THSD7A: variants seen among roughly 807,000 people sequenced by gnomAD.
The protein encoded by THSD7A is thrombospondin type 1 domain containing 7A, also known as thrombospondin type-1 domain-containing protein 7A.
THSD7A carries 96 observed loss-of-function variants against 231.3 expected under a neutral mutation model. That is an observed-to-expected ratio of 0.41 (90% CI 0.35 to 0.49). The LOEUF is 0.49. Ranked by LOEUF, THSD7A falls within the 20% of genes least tolerant of loss-of-function variation. THSD7A has a pLI of 0.05. For synonymous variants in THSD7A, 940 were observed against 743.3 expected (o/e 1.26, Z -4.30); for missense variants, 2,290 against 2,070.2 (o/e 1.11, Z -2.06).
rs565503683 is a variant in THSD7A, at chr7:11,714,416, A to T, written c.191-77455T>A. ...TATTTTGTCAATTAATCTTTACCTT[A>T]ACCCTATGACACACGTATTTTTACT... On this transcript the variant is annotated intron_variant, in intron 1 of 27. Coordinates refer to ENST00000423059, the MANE Select transcript of THSD7A (RefSeq NM_015204.3). Among the ~76,000 whole-genome samples, 100 of 151,338 alleles carry T rather than the reference A, an allele frequency of 6.6e-4. 2 individuals are homozygous for T. The highest frequency in any genetic ancestry group is 2.2e-3 in the African/African-American group (90 of 41,434).
intron 1 of THSD7A, among the ~76,000 whole-genome samples, chr7:11,699,262 G>A (rs1780500360): frequency 6.6e-6 from 1 of 151,120 alleles, no homozygotes; most frequent in Admixed American, 6.6e-5. Context: ...ACAAAGAAGA[G>A]AAAATGAAGT....
At chr7:11,488,356 A>G (rs893935608) in intron 6 of THSD7A, among the ~76,000 whole-genome samples, 3 of 152,104 alleles carry the variant, frequency 2.0e-5, no homozygotes, top group Non-Finnish European at 2.9e-5. Flanking sequence ...ATTTGCATGG[A>G]CCTTTCTAGA....
At chr7:11,461,931 C>G in intron 10 of THSD7A, 80 bp downstream of exon 10, 1 of 1,536,980 alleles carries the variant, frequency 6.5e-7, no homozygotes, top group East Asian at 2.3e-5. Context: ...GTGTTGACTT[C>G]CTTTCCTTAT....
intron 1 of THSD7A, among the ~76,000 whole-genome samples, chr7:11,698,012 G>C (rs1461873145): frequency 6.6e-6 from 1 of 151,400 alleles, no homozygotes; most frequent in Non-Finnish European, 1.5e-5. Context: ...GCTGTTGACT[G>C]TTTTTACTGT....
At chr7:11,567,972 T>G (rs111275034) in intron 4 of THSD7A, among the ~76,000 whole-genome samples, 2,112 of 152,300 alleles carry the variant, frequency 0.014, 51 homozygotes, top group African/African-American at 0.048. Flanking sequence ...TTATCTCACC[T>G]ATTTGAACTC....
chr7:11,671,351 G>C (rs755312361), intron 1 of THSD7A, among the ~76,000 whole-genome samples: 11 of 152,058 alleles, frequency 7.2e-5, no homozygotes, highest in Non-Finnish European at 1.2e-4. Flanking sequence ...GCACAATTCA[G>C]AACTATAAAC....
intron 1 of THSD7A, among the ~76,000 whole-genome samples, chr7:11,762,510 G>C (rs1293972190): frequency 6.6e-6 from 1 of 152,044 alleles, no homozygotes; most frequent in Non-Finnish European, 1.5e-5. Flanking sequence ...TTATATGTTT[G>C]CTGGCCGCTC....
chr7:11,626,126 T>C (rs975090975), intron 2 of THSD7A, among the ~76,000 whole-genome samples: 1 of 152,068 alleles, frequency 6.6e-6, no homozygotes, highest in African/African-American at 2.4e-5. Context: ...CCCAAATCCA[T>C]CAAAGGTTTA....
chr7:11,687,866 C>G (rs1306559114), intron 1 of THSD7A, among the ~76,000 whole-genome samples: 4 of 147,062 alleles, frequency 2.7e-5, no homozygotes, highest in African/African-American at 1.0e-4. Context: ...TGGGGTGTTT[C>G]TTTTTTTTTT....
In THSD7A at chr7:11,469,878, CCTT is replaced by C; in HGVS notation, c.2366_2368del (p.Glu789del). The C allele has an allele frequency of 6.3e-7, 1 of 1,580,352 alleles. No individual in the cohort carries two copies. Among genetic ancestry groups the C allele is most frequent in the Non-Finnish European group, 8.6e-7 (1 of 1,158,226 alleles). ...AGCCTTCCTAACTCTGCAGACCATACCTTCTTTACACGAAGAGGGGCATGATGT... is the reference window on the plus strand; with the variant it reads ...AGCCTTCCTAACTCTGCAGACCATACCTTTACACGAAGAGGGGCATGATGT... On this transcript the variant is annotated inframe_deletion and splice_region_variant, in exon 9 of 28. Coordinates refer to ENST00000423059, the MANE Select transcript of THSD7A (RefSeq NM_015204.3).
intron 1 of THSD7A, among the ~76,000 whole-genome samples, chr7:11,663,620 T>A (rs191083202): frequency 2.1e-4 from 32 of 151,446 alleles, no homozygotes; most frequent in African/African-American, 7.7e-4. Flanking sequence ...CCAGTCTCTC[T>A]GACAAACATG....
chr7:11,619,603 T>C (rs574347359), intron 2 of THSD7A, among the ~76,000 whole-genome samples: 1 of 151,986 alleles, frequency 6.6e-6, no homozygotes, highest in South Asian at 2.1e-4. Flanking sequence ...TTATTTTCTG[T>C]AGAGATAGAG....
intron 13 of THSD7A, among the ~76,000 whole-genome samples, chr7:11,437,410 C>CTCTT (rs1427094895): frequency 6.6e-6 from 1 of 152,066 alleles, no homozygotes; most frequent in East Asian, 1.9e-4. Context: ...TCCTTAGATG[C>CTCTT]TCTTTCCTTC....
At chr7:11,384,701 A>T (rs1782662109) in intron 23 of THSD7A, 2 of 151,958 alleles carry the variant, frequency 1.3e-5, no homozygotes, top group South Asian at 4.1e-4. Context: ...TAATGGCTTA[A>T]TTGTTGATCA....
chr7:11,771,063 CAT>C (rs1406470762), intron 1 of THSD7A, among the ~76,000 whole-genome samples: 2 of 150,764 alleles, frequency 1.3e-5, no homozygotes, highest in Non-Finnish European at 3.0e-5. Flanking sequence ...ATTTTTTTCT[CAT>C]AGATCAATTT....
At chr7:11,486,295 T>C (rs551041497) in intron 6 of THSD7A, among the ~76,000 whole-genome samples, 146 of 152,352 alleles carry the variant, frequency 9.6e-4, no homozygotes, top group African/African-American at 3.2e-3. Flanking sequence ...CTGTTTTGCA[T>C]AACATTACTT....
intron 1 of THSD7A, among the ~76,000 whole-genome samples, chr7:11,802,438 A>C (rs1396905983): frequency 2.6e-5 from 4 of 152,164 alleles, no homozygotes; most frequent in Admixed American, 1.3e-4. Flanking sequence ...TGAGATTTTG[A>C]ATGTGTGATC....
chr7:11,393,559 T>A (rs186566138), intron 23 of THSD7A, among the ~76,000 whole-genome samples: 1 of 152,144 alleles, frequency 6.6e-6, no homozygotes, highest in Non-Finnish European at 1.5e-5. Context: ...AATAACAAAC[T>A]CCTCTGAGCT....
intron 6 of THSD7A, among the ~76,000 whole-genome samples, chr7:11,494,663 G>T (rs1471165338): frequency 2.0e-5 from 3 of 151,962 alleles, no homozygotes; most frequent in Admixed American, 1.3e-4. Context: ...GAATCAAAAA[G>T]AATTCTTTTC....
Sources: gnomAD v4.1 joint callset for allele counts (sites outside exome capture counted in the v4.1 genomes callset) on GRCh38, gnomAD v4.1.1 for gene constraint, MANE v1.5 for transcripts, NCBI Gene and HGNC (gene_info 2026-07-23, HGNC 2026-07-21) for gene names.